MTCL2: variants seen among roughly 807,000 people sequenced by gnomAD.
MTCL2 encodes the protein microtubule cross-linking factor 2.
chr20:36,837,878 G>A, the MTCL2 span, among the ~76,000 whole-genome samples: 1 of 151,944 alleles, frequency 6.6e-6, no homozygotes, highest in Non-Finnish European at 1.5e-5. Flanking sequence ...TGCCCAGCCC[G>A]CATTATTTCA....
chr20:36,812,766 G>T, the MTCL2 span: 54 of 1,613,762 alleles, frequency 3.3e-5, no homozygotes, highest in African/African-American at 6.7e-4. Context: ...CTGGGGTCGG[G>T]CTTAGAGTCC....
the MTCL2 span, among the ~76,000 whole-genome samples, chr20:36,841,442 T>G: frequency 1.3e-5 from 2 of 148,294 alleles, no homozygotes; most frequent in African/African-American, 4.9e-5. Context: ...TTAGGGGACA[T>G]GATCAGGGAG....
chr20:36,805,925 C>T, the MTCL2 span: 1 of 1,613,488 alleles, frequency 6.2e-7, no homozygotes, highest in South Asian at 1.1e-5. Context: ...CCTCTTCCTC[C>T]ATCAGCAAGT....
chr20:36,794,894 G>A, the MTCL2 span: 1 of 464,812 alleles, frequency 2.2e-6, no homozygotes, highest in Non-Finnish European at 3.9e-6. The surrounding 1 kb of genome is among the most constrained non-coding windows in gnomAD (Gnocchi z 5.4). Flanking sequence ...TCAGCCTCCA[G>A]AGTAGCTGGG....
chr20:36,795,853 C>T, the MTCL2 span, among the ~76,000 whole-genome samples: 1 of 152,064 alleles, frequency 6.6e-6, no homozygotes, highest in Non-Finnish European at 1.5e-5. Context: ...AATGAGTTCA[C>T]ACCCCTAAAC....
chr20:36,829,529 T>C, the MTCL2 span, among the ~76,000 whole-genome samples: 1 of 148,988 alleles, frequency 6.7e-6, no homozygotes, highest in Non-Finnish European at 1.5e-5. Flanking sequence ...TTTTTTTTTT[T>C]TTTTTTGAGA....
the MTCL2 span, chr20:36,817,619 TAAGAGGA>T: frequency 1.5e-6 from 1 of 652,350 alleles, no homozygotes; most frequent in South Asian, 2.0e-5. Flanking sequence ...GACTGTTGAG[TAAGAGGA>T]GCCCTCCAGA....
At chr20:36,804,317 C>A in the MTCL2 span, among the ~76,000 whole-genome samples, 1 of 152,190 alleles carries the variant, frequency 6.6e-6, no homozygotes, top group South Asian at 2.1e-4. Flanking sequence ...ACACCAAACC[C>A]CCAGGGCTCC....
At chr20:36,830,022 C>T in the MTCL2 span, among the ~76,000 whole-genome samples, 3 of 151,704 alleles carry the variant, frequency 2.0e-5, no homozygotes, top group African/African-American at 7.3e-5. Flanking sequence ...TAAAAAGAAA[C>T]GGGGTCTCAC....
At chr20:36,854,792 G>A in the MTCL2 span, among the ~76,000 whole-genome samples, 3 of 152,210 alleles carry the variant, frequency 2.0e-5, no homozygotes, top group Non-Finnish European at 4.4e-5. Context: ...CAGGCAGTGA[G>A]AGATGATTCA....
At chr20:36,827,927 A>G in the MTCL2 span, among the ~76,000 whole-genome samples, 3,427 of 152,296 alleles carry the variant, frequency 0.023, 54 homozygotes, top group Non-Finnish European at 0.031. Flanking sequence ...GGAGGGGGCT[A>G]GCCACCCTTA....
the MTCL2 span, chr20:36,815,192 G>C: frequency 6.2e-7 from 1 of 1,613,836 alleles, no homozygotes; most frequent in Non-Finnish European, 8.5e-7. The surrounding 1 kb of genome is among the most constrained non-coding windows in gnomAD (Gnocchi z 5.3). Context: ...AGCCCAAGGG[G>C]GGCAGTGATG....
At chr20:36,845,727 A>G in the MTCL2 span, among the ~76,000 whole-genome samples, 1 of 152,084 alleles carries the variant, frequency 6.6e-6, no homozygotes, top group East Asian at 1.9e-4. Context: ...TCTGTTCCAG[A>G]GGTTCACAGT....
the MTCL2 span, chr20:36,863,040 C>A: frequency 6.4e-6 from 9 of 1,405,848 alleles, no homozygotes; most frequent in South Asian, 9.5e-5. The surrounding 1 kb of genome is among the most constrained non-coding windows in gnomAD (Gnocchi z 6.2). Flanking sequence ...CGCACCCGAG[C>A]GCGGACGGCC....
At chr20:36,819,656 C>G in the MTCL2 span, among the ~76,000 whole-genome samples, 1 of 151,132 alleles carries the variant, frequency 6.6e-6, no homozygotes, top group African/African-American at 2.4e-5. Context: ...TGAGGTAGGT[C>G]TGAGACATCA....
At chr20:36,842,470 G>C in the MTCL2 span, among the ~76,000 whole-genome samples, 1 of 152,176 alleles carries the variant, frequency 6.6e-6, no homozygotes, top group Non-Finnish European at 1.5e-5. Context: ...AAATAAGATT[G>C]TATACTAAGA....
chr20:36,817,536 T>G, the MTCL2 span: 11 of 1,449,754 alleles, frequency 7.6e-6, no homozygotes, highest in Non-Finnish European at 1.0e-5. Context: ...ATGATGCACA[T>G]GCAGAGAGCT....
chr20:36,856,637 TC>T, the MTCL2 span, among the ~76,000 whole-genome samples: 1 of 152,042 alleles, frequency 6.6e-6, no homozygotes, highest in South Asian at 2.1e-4. Context: ...ACCACCCCCA[TC>T]CACCCACCAC....
chr20:36,822,539 C>G, the MTCL2 span, among the ~76,000 whole-genome samples: 4 of 152,184 alleles, frequency 2.6e-5, no homozygotes, highest in Admixed American at 2.0e-4. Context: ...TTTCCTTCAG[C>G]CCAGGAGAGA....
Sources: allele counts gnomAD v4.1 joint callset (sites outside exome capture counted in the v4.1 genomes callset), GRCh38; gene constraint gnomAD v4.1.1; non-coding constraint Gnocchi (gnomAD v3.1); transcripts MANE v1.5; gene names NCBI Gene and HGNC (gene_info 2026-07-23, HGNC 2026-07-21).